Variants in MAPKAPK3 observed in about 807,000 individuals in gnomAD.
MAPKAPK3 encodes MAP kinase-activated protein kinase 3.
MAPKAPK3 carries 35 observed loss-of-function variants against 49.2 expected under a neutral mutation model. The observed-to-expected ratio is 0.71, with a 90% CI of 0.54 to 0.94. The LOEUF (loss-of-function observed/expected upper bound fraction) is 0.94, where lower values mean the gene tolerates loss of function less well. Ranked by LOEUF, MAPKAPK3 falls within the 40% of genes least tolerant of loss-of-function variation. MAPKAPK3 has a pLI of 0.00. For missense variants in MAPKAPK3, 398 were observed against 493.1 expected, an observed-to-expected ratio of 0.81 and a Z score of 1.83; for synonymous variants, 178 against 188.7, an observed-to-expected ratio of 0.94 and a Z score of 0.46.
intron 2 of MAPKAPK3, among the ~76,000 whole-genome samples, chr3:50,635,027 A>G (rs1252099362): frequency 6.6e-6 from 1 of 152,200 alleles, no homozygotes; most frequent in Non-Finnish European, 1.5e-5. Context: ...CCCAAGCCCT[A>G]CAGCTTAACT....
intron 6 of MAPKAPK3, 44 bp downstream of exon 6, chr3:50,644,576 T>C (rs763410122): frequency 1.2e-6 from 2 of 1,608,736 alleles, no homozygotes; most frequent in South Asian, 2.2e-5. Flanking sequence ...CCCCAACTTA[T>C]ACAGCTGTAT....
chr3:50,648,624 T>C lies in MAPKAPK3; in HGVS notation c.*578T>C, dbSNP rs1468870782. 4 of 154,134 alleles carry C rather than the reference T, an allele frequency of 2.6e-5. No homozygotes were observed. Among genetic ancestry groups the C allele is most frequent in the Admixed American group, 1.3e-4 (2 of 15,570 alleles). 9.5% of individuals were successfully genotyped at this position (154,134 alleles called of 1,614,324 possible). On this transcript the variant is annotated 3_prime_UTR_variant, in exon 11 of 11. Coordinates refer to ENST00000621469, the MANE Select transcript of MAPKAPK3 (RefSeq NM_001243925.2). The stretch of plus-strand genomic sequence containing the variant: ...ACTCCTCCTTGGGCCCTGAGGCTGC[T>C]GGATCCGGTCTGCCTGCCTCCCTGT...
chr3:50,611,572 C>T (rs1180302539), upstream of MAPKAPK3: 10 of 1,525,710 alleles, frequency 6.6e-6, no homozygotes, highest in Admixed American at 1.4e-4. Flanking sequence ...AGCACGAAGC[C>T]CCTGTTCTCC....
At chr3:50,639,929 A>G (rs1166701709) in intron 2 of MAPKAPK3, among the ~76,000 whole-genome samples, 1 of 152,220 alleles carries the variant, frequency 6.6e-6, no homozygotes, top group Non-Finnish European at 1.5e-5. Context: ...ATTTACATGT[A>G]CAATTTCCAA....
At chr3:50,613,407 T>C (rs2032386243), upstream of MAPKAPK3, among the ~76,000 whole-genome samples, 1 of 152,202 alleles carries the variant, frequency 6.6e-6, no homozygotes, top group East Asian at 1.9e-4. Flanking sequence ...TGAGTGCAAC[T>C]CTGCCAGCCC....
At chr3:50,626,037 A>C (rs1253483989) in intron 2 of MAPKAPK3, among the ~76,000 whole-genome samples, 1 of 151,754 alleles carries the variant, frequency 6.6e-6, no homozygotes, top group Non-Finnish European at 1.5e-5. Context: ...CAGTGGACTC[A>C]GGAGTTCTTG....
intron 5 of MAPKAPK3, among the ~76,000 whole-genome samples, chr3:50,643,198 G>T (rs1559489922): frequency 6.6e-6 from 1 of 152,166 alleles, no homozygotes; most frequent in Non-Finnish European, 1.5e-5. Flanking sequence ...GACAGATCAG[G>T]CCCCCTGATA....
At chr3:50,627,824 G>A (rs1450230997) in intron 2 of MAPKAPK3, among the ~76,000 whole-genome samples, 7 of 152,172 alleles carry the variant, frequency 4.6e-5, no homozygotes, top group Admixed American at 1.3e-4. Flanking sequence ...CAGGAGGGGA[G>A]AGGGGCCAGG....
At position 50,646,239 on chromosome 3, in the gene MAPKAPK3, T is replaced by G. The variant is rs1221034504; in HGVS notation, c.804T>G (p.Pro268=). The change falls in exon 8 of 11, where the codon CCT becomes CCG. Residue 268 remains proline, a synonymous_variant. Coordinates refer to ENST00000621469, the MANE Select transcript of MAPKAPK3 (RefSeq NM_001243925.2). ...IRLGQYGFPN[P]EWSEVSEDAK... Reference sequence around the variant, plus strand: ...TGGGCCAGTACGGCTTCCCCAATCCTGAGTGGTCAGAAGTCTCTGAGGATG... The same window carrying G: ...TGGGCCAGTACGGCTTCCCCAATCCGGAGTGGTCAGAAGTCTCTGAGGATG... The G allele has an allele frequency of 1.2e-6, 2 of 1,614,014 alleles. No individual in the cohort carries two copies. The highest frequency in any genetic ancestry group is 2.7e-5 in the African/African-American group (2 of 74,922).
intron 10 of MAPKAPK3, among the ~76,000 whole-genome samples, 172 bp from the exon 11 acceptor site, chr3:50,647,722 G>A (rs963503647): frequency 2.0e-5 from 3 of 152,248 alleles, no homozygotes; most frequent in African/African-American, 4.8e-5. Context: ...CACAGAGGAC[G>A]GTAGTGAGGA....
chr3:50,636,597 G>A (rs964486499), intron 2 of MAPKAPK3, among the ~76,000 whole-genome samples: 1 of 152,198 alleles, frequency 6.6e-6, no homozygotes, highest in East Asian at 1.9e-4. Context: ...TTGGACCCTT[G>A]AGACCTGGGC....
chr3:50,641,780 A>G lies in MAPKAPK3; in HGVS notation c.424+9A>G, dbSNP rs753132398. 9 of 1,613,166 alleles carry G rather than the reference A, an allele frequency of 5.6e-6. No individual in the cohort carries two copies. The highest frequency in any genetic ancestry group is 6.8e-6 in the Non-Finnish European group (8 of 1,179,198). ...GGCTTTCACTGAGAGAGGTATGTGC[A>G]TGTAGCTGGACCAGCAGGAGGATTC... On this transcript the variant is annotated intron_variant, in intron 4 of 10. Transcript: ENST00000621469.
intron 2 of MAPKAPK3, among the ~76,000 whole-genome samples, chr3:50,637,037 C>T (rs396302): frequency 0.78 from 118,102 of 152,084 alleles, 47,067 homozygotes; most frequent in Middle Eastern, 0.9. Flanking sequence ...AATATGGACT[C>T]AGTGGGGCAG....
chr3:50,646,609 A>T (rs777896469), intron 8 of MAPKAPK3, 131 bp from the exon 9 acceptor site: 113 of 793,300 alleles, frequency 1.4e-4, no homozygotes, highest in Non-Finnish European at 2.1e-4. Flanking sequence ...TTGTTAGCTC[A>T]CTCTTTCTGT....
chr3:50,648,075 C>T lies in MAPKAPK3; in HGVS notation c.*29C>T. The T allele has an allele frequency of 6.2e-7, 1 of 1,602,126 alleles. No homozygotes were observed. Among genetic ancestry groups the T allele is most frequent in the Non-Finnish European group, 8.5e-7 (1 of 1,174,846 alleles). The stretch of plus-strand genomic sequence containing the variant: ...ATGGGGCCTTGGAGGAGCCTGGCCT[C>T]TCAGCCTGCATAACAGACTGAAATG... On this transcript the variant is annotated 3_prime_UTR_variant, in exon 11 of 11. Transcript: ENST00000621469.
upstream of MAPKAPK3, chr3:50,612,168 T>C (rs2032350931): frequency 2.0e-5 from 3 of 153,844 alleles, no homozygotes; most frequent in Admixed American, 1.3e-4. Context: ...GTCGGGGAAG[T>C]TAAGGAGGGG....
At chr3:50,626,994 A>G (rs1481241865) in intron 2 of MAPKAPK3, among the ~76,000 whole-genome samples, 1 of 152,076 alleles carries the variant, frequency 6.6e-6, no homozygotes, top group Non-Finnish European at 1.5e-5. Flanking sequence ...GGAGTTCGAG[A>G]TCAGCGTGGT....
intron 9 of MAPKAPK3, 85 bp from the exon 10 acceptor site, chr3:50,647,038 C>A: frequency 1.6e-6 from 2 of 1,280,630 alleles, no homozygotes; most frequent in Admixed American, 4.1e-5. Flanking sequence ...CCATCTGAGT[C>A]TGGGAGAAGA....
At chr3:50,645,404 G>A (rs769973241) in intron 6 of MAPKAPK3, among the ~76,000 whole-genome samples, 1 of 152,104 alleles carries the variant, frequency 6.6e-6, no homozygotes, top group African/African-American at 2.4e-5. Context: ...TCTCACCTAC[G>A]GTAGCTTCCC....
Sources: gnomAD v4.1 joint callset for allele counts (sites outside exome capture counted in the v4.1 genomes callset) on GRCh38, gnomAD v4.1.1 for gene constraint, MANE v1.5 for transcripts, NCBI Gene and HGNC (gene_info 2026-07-23, HGNC 2026-07-21) for gene names.